The following TYW1 variants were observed in gnomAD, a reference collection of about 807,000 sequenced individuals.
TYW1 encodes S-adenosyl-L-methionine-dependent tRNA 4-demethylwyosine synthase TYW1.
A neutral mutation model predicts 96.2 loss-of-function variants in TYW1; 46 were observed. The observed-to-expected ratio is 0.48, with a 90% CI of 0.38 to 0.61. The LOEUF (loss-of-function observed/expected upper bound fraction) is 0.61, where lower values mean the gene tolerates loss of function less well. Ranked by LOEUF, TYW1 falls within the 20% of genes least tolerant of loss-of-function variation. The pLI, the probability that TYW1 is intolerant of heterozygous loss-of-function variation, is 0.00. For missense variants in TYW1, 684 were observed against 909.6 expected (o/e 0.75, Z 3.19); for synonymous variants, 274 against 323.0 (o/e 0.85, Z 1.63).
chr7:67,116,540 T>A (rs1417513710), intron 12 of TYW1, among the ~76,000 whole-genome samples: 1 of 151,876 alleles, frequency 6.6e-6, no homozygotes, highest in African/African-American at 2.4e-5. Flanking sequence ...ATTTTAAAAA[T>A]TAGCCGGGTA....
At chr7:67,235,041 T>G (rs1801841403) in intron 15 of TYW1, among the ~76,000 whole-genome samples, 1 of 152,116 alleles carries the variant, frequency 6.6e-6, no homozygotes, top group Non-Finnish European at 1.5e-5. Context: ...ATGATCATGT[T>G]AGAGTTTGAG....
chr7:67,140,627 G>C (rs1798420142), intron 13 of TYW1, among the ~76,000 whole-genome samples: 1 of 152,060 alleles, frequency 6.6e-6, no homozygotes. Flanking sequence ...AATTAGTGAA[G>C]AAGTAAGTAC....
At chr7:67,079,171 G>GGT (rs55931505) in intron 10 of TYW1, among the ~76,000 whole-genome samples, 2,660 of 148,882 alleles carry the variant, frequency 0.018, 66 homozygotes, top group African/African-American at 0.044. Context: ...TCGTGTGAGA[G>GGT]GTGTGTGTGT....
intron 13 of TYW1, among the ~76,000 whole-genome samples, chr7:67,128,020 A>G (rs1271680503): frequency 6.6e-6 from 1 of 152,030 alleles, no homozygotes; most frequent in Non-Finnish European, 1.5e-5. Context: ...GCTTATCTAT[A>G]GTTTTTCTGA....
intron 7 of TYW1, among the ~76,000 whole-genome samples, chr7:67,044,173 A>G (rs1244910504): frequency 7.3e-6 from 1 of 136,102 alleles, no homozygotes; most frequent in Non-Finnish European, 1.5e-5. Flanking sequence ...ATCTTGGCTC[A>G]TTGCAACCTC....
intron 14 of TYW1, among the ~76,000 whole-genome samples, chr7:67,184,829 T>G (rs2116312611): frequency 6.6e-6 from 1 of 151,722 alleles, no homozygotes; most frequent in South Asian, 2.1e-4. Flanking sequence ...TCCCTCAGCC[T>G]CCCAAGTAGC....
In TYW1 at chr7:67,184,591, C is replaced by CATTTTATTTT. The variant is rs202120294; in HGVS notation, c.1809+1405_1809+1414dup. On this transcript the variant is annotated intron_variant, in intron 14 of 15. Transcript: ENST00000359626. Reference sequence around the variant, plus strand: ...TTTTAGGGAAGCTTTTCTGAGATGACATTTTATTTTATTTTATTTTATTTT... The same window carrying CATTTTATTTT: ...TTTTAGGGAAGCTTTTCTGAGATGACATTTTATTTTATTTTATTTTATTTTATTTTATTTT... 1.1e-4 allele frequency among the ~76,000 whole-genome samples: 9 copies of CATTTTATTTT among 84,236 alleles called. 1 individual carries two copies. Among genetic ancestry groups the CATTTTATTTT allele is most frequent in the African/African-American group, 3.9e-4 (8 of 20,606 alleles). The allele number at this position is 84,236 out of a possible 152,430, so 55.3% of individuals were successfully genotyped here.
In TYW1 at chr7:67,164,725, A is replaced by G. The variant is rs1004001875; in HGVS notation, c.1699-18401A>G. ...CTCTCTTTCTGAGAGTCACATCTAG[A>G]TTGACCCTGCTATTGTTAGGAGGAT... On this transcript the variant is annotated intron_variant, in intron 13 of 15. Transcript: ENST00000359626. Among the ~76,000 whole-genome samples the G allele has an allele frequency of 1.9e-4, 29 of 152,204 alleles. 1 individual carries two copies. Among genetic ancestry groups the G allele is most frequent in the African/African-American group, 7.0e-4 (29 of 41,508 alleles).
At chr7:67,072,026 C>T (rs1796044934) in intron 10 of TYW1, among the ~76,000 whole-genome samples, 1 of 149,488 alleles carries the variant, frequency 6.7e-6, no homozygotes, top group Non-Finnish European at 1.5e-5. Flanking sequence ...AAAGTTTAGA[C>T]TCTTCCTAGG....
chr7:67,115,074 G>T (rs1478411479), intron 12 of TYW1, among the ~76,000 whole-genome samples: 3 of 152,066 alleles, frequency 2.0e-5, no homozygotes, highest in Non-Finnish European at 2.9e-5. Flanking sequence ...AATGATAGAG[G>T]TTTGTAAAAG....
chr7:67,162,847 A>G (rs1302196147), intron 13 of TYW1, among the ~76,000 whole-genome samples: 2 of 152,218 alleles, frequency 1.3e-5, no homozygotes, highest in African/African-American at 2.4e-5. Flanking sequence ...TTCTGTAGAT[A>G]GGGCACCTCT....
chr7:67,037,485 C>G (rs912875243), intron 7 of TYW1, among the ~76,000 whole-genome samples: 2 of 127,410 alleles, frequency 1.6e-5, no homozygotes, highest in African/African-American at 6.1e-5. Flanking sequence ...GCCTGGGCAA[C>G]AAGAGCGAAA....
chr7:67,020,283 C>G (rs370970367), intron 6 of TYW1, among the ~76,000 whole-genome samples: 4 of 152,214 alleles, frequency 2.6e-5, no homozygotes, highest in African/African-American at 9.6e-5. Context: ...CTCAGGAGGC[C>G]GAGGCAGGAG....
At chr7:67,074,822 T>A (rs1796153764) in intron 10 of TYW1, among the ~76,000 whole-genome samples, 1 of 151,844 alleles carries the variant, frequency 6.6e-6, no homozygotes, top group South Asian at 2.1e-4. Flanking sequence ...ATTCTGTATA[T>A]GACAGTGGGT....
At chr7:67,165,717 C>T (rs1445855530) in intron 13 of TYW1, among the ~76,000 whole-genome samples, 1 of 152,102 alleles carries the variant, frequency 6.6e-6, no homozygotes, top group African/African-American at 2.4e-5. Context: ...CGCTTGAGCT[C>T]AGGTATTTGA....
chr7:67,011,441 G>A (rs1409914705), intron 4 of TYW1, among the ~76,000 whole-genome samples: 1 of 152,230 alleles, frequency 6.6e-6, no homozygotes, highest in Non-Finnish European at 1.5e-5. Flanking sequence ...CTACAGCAGT[G>A]GTTCTCAAGT....
At chr7:67,167,817 C>T (rs577876628) in intron 13 of TYW1, among the ~76,000 whole-genome samples, 30 of 151,966 alleles carry the variant, frequency 2.0e-4, no homozygotes, top group Non-Finnish European at 2.6e-4. Flanking sequence ...TGCAGTAGCG[C>T]GATCTCAGTT....
intron 13 of TYW1, among the ~76,000 whole-genome samples, chr7:67,129,727 G>C (rs1460238471): frequency 6.6e-6 from 1 of 152,202 alleles, no homozygotes; most frequent in Non-Finnish European, 1.5e-5. Flanking sequence ...AAATCTGATA[G>C]TATAAGTCTC....
intron 10 of TYW1, among the ~76,000 whole-genome samples, chr7:67,071,242 T>C (rs1032256182): frequency 3.0e-4 from 45 of 152,182 alleles, no homozygotes; most frequent in African/African-American, 9.6e-4. Flanking sequence ...GGGTTTTGTT[T>C]GTTTAGTGAG....
Sources: allele counts gnomAD v4.1 joint callset (sites outside exome capture counted in the v4.1 genomes callset), GRCh38; gene constraint gnomAD v4.1.1; transcripts MANE v1.5; gene names NCBI Gene and HGNC (gene_info 2026-07-23, HGNC 2026-07-21).